SLIT2: variants seen among roughly 807,000 people sequenced by gnomAD.
SLIT2 encodes the protein slit guidance ligand 2.
Under a neutral mutation model 185.7 loss-of-function variants are expected in SLIT2, and 41 were observed. That is an observed-to-expected ratio of 0.22 (90% CI 0.17 to 0.29). The LOEUF is 0.29. Ranked by LOEUF, SLIT2 falls within the 10% of genes least tolerant of loss-of-function variation. SLIT2 has a pLI of 1.00. For missense variants in SLIT2, 1,571 were observed against 1,909.0 expected (o/e 0.82, Z 3.30); for synonymous variants, 693 against 680.2 (o/e 1.02, Z -0.29).
intron 4 of SLIT2, among the ~76,000 whole-genome samples, chr4:20,368,219 C>CAAAAAAAAAAAAAAAATAAAAAAAAAA (rs71653879): frequency 9.3e-6 from 1 of 107,430 alleles, no homozygotes; most frequent in Non-Finnish European, 1.9e-5. Context: ...CACAAAATAG[C>CAAAAAAAAAAAAAAAATAAAAAAAAAA]AAAAAAAAAA....
intron 4 of SLIT2, among the ~76,000 whole-genome samples, chr4:20,282,362 CAAAT>C (rs1433223715): frequency 6.6e-6 from 1 of 152,086 alleles, no homozygotes; most frequent in Non-Finnish European, 1.5e-5. Context: ...TTGTTATTTC[CAAAT>C]AACTATTATA....
chr4:20,525,035 A>G, intron 14 of SLIT2, 114 bp from the exon 15 acceptor site: 3 of 750,506 alleles, frequency 4.0e-6, no homozygotes, highest in South Asian at 1.5e-5. Context: ...CTGTGAATAT[A>G]CATTTTTCAC....
intron 9 of SLIT2, among the ~76,000 whole-genome samples, chr4:20,509,306 G>A (rs1300173708): frequency 6.6e-6 from 1 of 151,912 alleles, no homozygotes; most frequent in East Asian, 1.9e-4. Flanking sequence ...AGAATAGACT[G>A]AACAGTTGAA....
chr4:20,456,106 TCAAA>T (rs769060300), intron 4 of SLIT2, among the ~76,000 whole-genome samples: 5 of 152,118 alleles, frequency 3.3e-5, no homozygotes, highest in Non-Finnish European at 5.9e-5. Context: ...CTTGCTGTTC[TCAAA>T]CAGTTAGATG....
rs759066841 is a variant in SLIT2 at position 20,617,026 on chromosome 4, A to G, written c.3964A>G (p.Lys1322Glu). 1.2e-6 allele frequency: 2 copies of G among 1,614,166 alleles called. No individual in the cohort carries two copies. The highest frequency in any genetic ancestry group is 1.7e-6 in the Non-Finnish European group (2 of 1,180,022). ...YINSELQDFQKVPMQTGILPG... is the reference protein window; with the variant it reads ...YINSELQDFQEVPMQTGILPG... ...CAACAGTGAGCTGCAGGACTTCCAG[A>G]AGGTGCCGATGCAAACAGGCATTTT... The change falls in exon 35 of 37, where the codon AAG becomes GAG. Residue 1322 changes from lysine to glutamate, a missense_variant. Around this residue, in one of 3 missense-constraint regions of SLIT2, gnomAD observed 146 missense variants for 247.4 expected, o/e 0.59. Coordinates refer to ENST00000504154, the MANE Select transcript of SLIT2 (RefSeq NM_004787.4).
intron 16 of SLIT2, among the ~76,000 whole-genome samples, chr4:20,529,942 A>G (rs1375702186): frequency 6.6e-6 from 1 of 152,210 alleles, no homozygotes; most frequent in African/African-American, 2.4e-5. Flanking sequence ...ACTAGATTAT[A>G]GCTCCTTGAT....
At chr4:20,366,780 G>A (rs1161324419) in intron 4 of SLIT2, among the ~76,000 whole-genome samples, 2 of 151,932 alleles carry the variant, frequency 1.3e-5, no homozygotes, top group African/African-American at 4.8e-5. Flanking sequence ...TAATATTTTA[G>A]GGTTTTTTTA....
chr4:20,573,938 T>TTTTACTTA (rs1553843723), intron 29 of SLIT2, among the ~76,000 whole-genome samples: 15 of 140,718 alleles, frequency 1.1e-4, no homozygotes, highest in Non-Finnish European at 2.1e-4. Flanking sequence ...CATAGAATTA[T>TTTTACTTA]TTTATTTATT....
chr4:20,523,298 G>T lies in SLIT2; in HGVS notation c.1131-462G>T, dbSNP rs150129244. ...TTCTGCTCAGAGCCAATTGGGAGCTGTCGCATGGTTCTGAGAAAGGGGTGA... is the reference window on the plus strand; with the variant it reads ...TTCTGCTCAGAGCCAATTGGGAGCTTTCGCATGGTTCTGAGAAAGGGGTGA... On this transcript the variant is annotated intron_variant, in intron 12 of 36. Coordinates refer to ENST00000504154, the MANE Select transcript of SLIT2 (RefSeq NM_004787.4). 1.4e-3 allele frequency among the ~76,000 whole-genome samples: 215 copies of T among 152,282 alleles called. 1 individual carries two copies. The highest frequency in any genetic ancestry group is 2.0e-3 in the Non-Finnish European group (137 of 68,018).
At chr4:20,536,581 A>G (rs1227937931) in intron 18 of SLIT2, among the ~76,000 whole-genome samples, 1 of 133,992 alleles carries the variant, frequency 7.5e-6, no homozygotes, top group African/African-American at 3.0e-5. Context: ...AAAAAAAAAC[A>G]AAAACCACTG....
chr4:20,266,460 G>T (rs899099699), intron 3 of SLIT2, among the ~76,000 whole-genome samples: 2 of 151,916 alleles, frequency 1.3e-5, no homozygotes, highest in African/African-American at 4.8e-5. Flanking sequence ...CCCAAGGCAG[G>T]TGCCTCAGGG....
chr4:20,617,733 GAAA>G (rs66600811), intron 36 of SLIT2, 83 bp downstream of exon 36: 1,463 of 493,628 alleles, frequency 3.0e-3, no homozygotes, highest in Middle Eastern at 4.6e-3. Context: ...GAGAAAAAGT[GAAA>G]AAAAAAAAAA....
intron 10 of SLIT2, among the ~76,000 whole-genome samples, chr4:20,510,795 A>G (rs892429454): frequency 1.3e-5 from 2 of 152,212 alleles, no homozygotes; most frequent in African/African-American, 2.4e-5. Flanking sequence ...GTGAATGTTT[A>G]TGGTCAATAT....
intron 26 of SLIT2, among the ~76,000 whole-genome samples, chr4:20,556,490 A>T (rs1269028625): frequency 1.3e-5 from 2 of 152,042 alleles, no homozygotes; most frequent in Admixed American, 6.6e-5. Context: ...ATCTGAAAAA[A>T]GTTGCATATT....
intron 4 of SLIT2, among the ~76,000 whole-genome samples, chr4:20,374,333 G>T (rs989380899): frequency 6.6e-6 from 1 of 152,042 alleles, no homozygotes; most frequent in Non-Finnish European, 1.5e-5. Flanking sequence ...CTTATTATTT[G>T]TGTGAAGAGA....
intron 4 of SLIT2, among the ~76,000 whole-genome samples, chr4:20,333,090 A>G (rs1560325806): frequency 6.6e-6 from 1 of 152,270 alleles, no homozygotes; most frequent in South Asian, 2.1e-4. Context: ...TTTGTGCTTT[A>G]GAAATTGTCC....
chr4:20,354,902 TGTGTGA>T (rs71181560), intron 4 of SLIT2, among the ~76,000 whole-genome samples: 20,231 of 105,482 alleles, frequency 0.19, 1,457 homozygotes, highest in East Asian at 0.34. Flanking sequence ...TGTGTGTGTG[TGTGTGA>T]GAGAGAGAGA....
At chr4:20,479,363 C>T (rs902879501) in intron 5 of SLIT2, among the ~76,000 whole-genome samples, 1 of 152,104 alleles carries the variant, frequency 6.6e-6, no homozygotes, top group Admixed American at 6.6e-5. Flanking sequence ...AATGTTCAAA[C>T]GGTTCTTTAT....
intron 4 of SLIT2, among the ~76,000 whole-genome samples, chr4:20,417,240 CTTTG>C (rs941982102): frequency 6.6e-6 from 1 of 151,420 alleles, no homozygotes; most frequent in African/African-American, 2.4e-5. Flanking sequence ...CTTAGTGTTT[CTTTG>C]TTTGTTGATT....
Sources: gnomAD v4.1 joint callset for allele counts (sites outside exome capture counted in the v4.1 genomes callset) on GRCh38, gnomAD v4.1.1 for gene constraint, gnomAD v4.1.1 regional missense constraint, MANE v1.5 for transcripts, NCBI Gene and HGNC (gene_info 2026-07-23, HGNC 2026-07-21) for gene names.